The following L3MBTL4 variants were observed in gnomAD, a reference collection of about 807,000 sequenced individuals.
L3MBTL4 encodes the protein lethal(3)malignant brain tumor-like protein 4.
L3MBTL4 carries 70 observed loss-of-function variants against 84.5 expected under a neutral mutation model. That is an observed-to-expected ratio of 0.83 (90% CI 0.68 to 1.01). L3MBTL4 has a LOEUF of 1.01. Among genes scored for constraint, L3MBTL4 ranks in the 50% least tolerant of loss-of-function variants. The pLI, the probability that L3MBTL4 is intolerant of heterozygous loss-of-function variation, is 0.00. For synonymous variants in L3MBTL4, 274 were observed against 259.8 expected (o/e 1.05, Z -0.52); for missense variants, 715 against 754.8 (o/e 0.95, Z 0.62).
intron 1 of L3MBTL4, among the ~76,000 whole-genome samples, chr18:6,358,677 A>C (rs1246188884): frequency 1.3e-5 from 2 of 152,230 alleles, no homozygotes; most frequent in East Asian, 3.8e-4. Flanking sequence ...AACCAGCACA[A>C]GTTTCAGAAA....
intron 12 of L3MBTL4, among the ~76,000 whole-genome samples, chr18:6,204,063 C>T (rs1047056108): frequency 1.3e-5 from 2 of 152,198 alleles, no homozygotes; most frequent in African/African-American, 4.8e-5. Context: ...GGGGCCCCAG[C>T]TTTGGTTCAG....
chr18:6,034,402 G>GT (rs1221574118), intron 16 of L3MBTL4, among the ~76,000 whole-genome samples: 1 of 152,108 alleles, frequency 6.6e-6, no homozygotes, highest in Admixed American at 6.5e-5. Flanking sequence ...GCGGTGTTTG[G>GT]TTTTTTGTTC....
At chr18:6,095,066 C>T (rs543663600) in intron 14 of L3MBTL4, among the ~76,000 whole-genome samples, 6 of 152,128 alleles carry the variant, frequency 3.9e-5, no homozygotes, top group Non-Finnish European at 7.4e-5. Context: ...TTAAGACATA[C>T]GTACCAAAAA....
At chr18:6,157,631 C>A (rs1205085725) in intron 13 of L3MBTL4, among the ~76,000 whole-genome samples, 1 of 152,032 alleles carries the variant, frequency 6.6e-6, no homozygotes, top group East Asian at 1.9e-4. Context: ...ATGAACTATA[C>A]CTTTTATCAA....
At chr18:6,070,761 C>T (rs935702151) in intron 16 of L3MBTL4, among the ~76,000 whole-genome samples, 1 of 152,060 alleles carries the variant, frequency 6.6e-6, no homozygotes, top group African/African-American at 2.4e-5. Flanking sequence ...TCACTTGAGC[C>T]CCGCAGGTTG....
intron 3 of L3MBTL4, among the ~76,000 whole-genome samples, chr18:6,303,589 G>GCC (rs1336154412): frequency 2.0e-5 from 3 of 152,124 alleles, no homozygotes; most frequent in African/African-American, 7.2e-5. Flanking sequence ...TTTTGGGATA[G>GCC]ATCTTTTTAA....
intron 12 of L3MBTL4, among the ~76,000 whole-genome samples, chr18:6,190,143 C>T (rs143723172): frequency 9.2e-5 from 14 of 152,140 alleles, no homozygotes; most frequent in South Asian, 2.1e-4. Context: ...ATAAAAAGCA[C>T]GAAAAGAAAC....
chr18:6,049,511 A>G (rs1481521152), intron 16 of L3MBTL4, among the ~76,000 whole-genome samples: 2 of 152,248 alleles, frequency 1.3e-5, no homozygotes, highest in African/African-American at 4.8e-5. Flanking sequence ...TATCTGGTAC[A>G]TATATATCAT....
At chr18:5,972,894 GAATAGAATAGAATAGAATAGAATA>G (rs2052717898) in intron 16 of L3MBTL4, among the ~76,000 whole-genome samples, 1 of 3,478 alleles carries the variant, frequency 2.9e-4, no homozygotes, top group African/African-American at 3.2e-3. Flanking sequence ...GAACAGAAGA[GAATAGAATAGAATAGAATAGAATA>G]GAATAGAATA....
intron 1 of L3MBTL4, among the ~76,000 whole-genome samples, chr18:6,341,872 G>T (rs1337431236): frequency 6.6e-6 from 1 of 150,638 alleles, no homozygotes; most frequent in Non-Finnish European, 1.5e-5. Context: ...GAAAAAAAAA[G>T]AAGTTTGAAA....
chr18:6,354,251 C>A (rs1345164198), intron 1 of L3MBTL4, among the ~76,000 whole-genome samples: 1 of 152,132 alleles, frequency 6.6e-6, no homozygotes, highest in Admixed American at 6.5e-5. Context: ...TGAAACTAGA[C>A]CCCTATCTGT....
intron 16 of L3MBTL4, among the ~76,000 whole-genome samples, chr18:6,001,328 A>G (rs2054203127): frequency 6.6e-6 from 1 of 152,234 alleles, no homozygotes; most frequent in Non-Finnish European, 1.5e-5. Flanking sequence ...TTTAAAAGCA[A>G]TAACATATAC....
At chr18:6,209,387 T>C (rs772663080) in intron 12 of L3MBTL4, among the ~76,000 whole-genome samples, 2 of 144,724 alleles carry the variant, frequency 1.4e-5, no homozygotes, top group African/African-American at 5.3e-5. Flanking sequence ...TGAGCACATA[T>C]AAATAATGAT....
At chr18:6,128,932 A>T (rs551172856) in intron 14 of L3MBTL4, among the ~76,000 whole-genome samples, 2 of 152,046 alleles carry the variant, frequency 1.3e-5, no homozygotes, top group Non-Finnish European at 2.9e-5. Flanking sequence ...GTCTGGCTGT[A>T]GCTGAGTCAA....
At chr18:6,096,713 T>C (rs2058656162) in intron 14 of L3MBTL4, among the ~76,000 whole-genome samples, 1 of 152,208 alleles carries the variant, frequency 6.6e-6, no homozygotes, top group Non-Finnish European at 1.5e-5. Flanking sequence ...AAACCACTTT[T>C]GAAAGCTTTG....
At chr18:6,138,569 T>C (rs1037011474) in intron 13 of L3MBTL4, among the ~76,000 whole-genome samples, 5 of 152,198 alleles carry the variant, frequency 3.3e-5, no homozygotes, top group East Asian at 1.9e-4. Flanking sequence ...TTTTTTATTT[T>C]TGAGACTAAG....
At chr18:6,377,775 A>G (rs1413614126) in intron 1 of L3MBTL4, among the ~76,000 whole-genome samples, 1 of 152,204 alleles carries the variant, frequency 6.6e-6, no homozygotes, top group Non-Finnish European at 1.5e-5. Context: ...TAGCGCCACA[A>G]TAAACATACA....
intron 16 of L3MBTL4, among the ~76,000 whole-genome samples, chr18:6,060,449 T>TA (rs201281102): frequency 3.3e-4 from 50 of 149,708 alleles, no homozygotes; most frequent in Admixed American, 2.5e-3. Flanking sequence ...TTTAGGTTTA[T>TA]AAAAAAAAAA....
chr18:5,999,241 G>T (rs1428070620), intron 16 of L3MBTL4, among the ~76,000 whole-genome samples: 2 of 152,132 alleles, frequency 1.3e-5, no homozygotes, highest in East Asian at 3.9e-4. Context: ...TATATTTATT[G>T]AAATTCCACC....
Sources: gnomAD v4.1 joint callset for allele counts (sites outside exome capture counted in the v4.1 genomes callset) on GRCh38, gnomAD v4.1.1 for gene constraint, MANE v1.5 for transcripts, NCBI Gene and HGNC (gene_info 2026-07-23, HGNC 2026-07-21) for gene names.